RANBP17: variants seen among roughly 807,000 people sequenced by gnomAD.
The protein encoded by RANBP17 is ran-binding protein 17.
A neutral mutation model predicts 141.2 loss-of-function variants in RANBP17; 158 were observed. The ratio of observed to expected loss-of-function variants is 1.12; its 90% CI spans 0.98 to 1.28. The LOEUF (loss-of-function observed/expected upper bound fraction) is 1.28. Among genes scored for constraint, RANBP17 ranks in the 50% most tolerant of loss-of-function variants. RANBP17 has a pLI of 0.00. For synonymous variants in RANBP17, 430 were observed against 450.0 expected, an observed-to-expected ratio of 0.96 and a Z score of 0.56; for missense variants, 1,438 against 1,290.7, an observed-to-expected ratio of 1.11 and a Z score of -1.75.
chr5:171,210,393 C>A (rs1023358787), intron 20 of RANBP17, among the ~76,000 whole-genome samples: 2 of 152,170 alleles, frequency 1.3e-5, no homozygotes, highest in Non-Finnish European at 2.9e-5. Flanking sequence ...AAAGGAGCAT[C>A]CCCTTATATC....
intron 13 of RANBP17, among the ~76,000 whole-genome samples, chr5:170,968,015 A>G (rs974086234): frequency 6.6e-6 from 1 of 151,820 alleles, no homozygotes; most frequent in African/African-American, 2.4e-5. Context: ...ATCTATATGC[A>G]TGTATGTGTA....
At chr5:171,090,513 A>G (rs1172936296) in intron 14 of RANBP17, among the ~76,000 whole-genome samples, 1 of 152,140 alleles carries the variant, frequency 6.6e-6, no homozygotes, top group Non-Finnish European at 1.5e-5. Flanking sequence ...AGAATATCCC[A>G]TTTTCTGAGA....
intron 22 of RANBP17, among the ~76,000 whole-genome samples, chr5:171,240,487 C>A (rs985483818): frequency 6.6e-6 from 1 of 152,120 alleles, no homozygotes; most frequent in Non-Finnish European, 1.5e-5. Flanking sequence ...AGATCAAATT[C>A]ATATAAAAGG....
intron 13 of RANBP17, among the ~76,000 whole-genome samples, chr5:170,957,693 T>C (rs748532512): frequency 1.2e-4 from 19 of 152,194 alleles, no homozygotes; most frequent in Non-Finnish European, 1.9e-4. Context: ...CGCCCAGCTG[T>C]ATTGTTAAAG....
intron 12 of RANBP17, among the ~76,000 whole-genome samples, chr5:170,938,952 A>T (rs1774106423): frequency 1.3e-5 from 2 of 152,130 alleles, no homozygotes; most frequent in African/African-American, 4.8e-5. Flanking sequence ...CCCAACATAT[A>T]CCCATCAGAA....
At chr5:170,916,702 A>G (rs1031677981) in intron 9 of RANBP17, 118 bp downstream of exon 9, 4 of 552,498 alleles carry the variant, frequency 7.2e-6, no homozygotes, top group Non-Finnish European at 1.2e-5. Flanking sequence ...AGTATCATAT[A>G]TATCTTCCTT....
intron 12 of RANBP17, among the ~76,000 whole-genome samples, chr5:170,925,620 A>G (rs1470782862): frequency 1.3e-5 from 2 of 152,168 alleles, no homozygotes; most frequent in Non-Finnish European, 2.9e-5. Flanking sequence ...CCTTTGCAGC[A>G]TCTTTGTTCC....
chr5:171,139,917 C>T (rs888950424), intron 14 of RANBP17, among the ~76,000 whole-genome samples: 2 of 152,166 alleles, frequency 1.3e-5, no homozygotes, highest in Non-Finnish European at 2.9e-5. Context: ...TCAATTTTCC[C>T]CTTTAACTTA....
At chr5:171,242,935 A>C (rs1764983152) in intron 24 of RANBP17, 115 bp downstream of exon 24, 1 of 922,038 alleles carries the variant, frequency 1.1e-6, no homozygotes, top group African/African-American at 1.7e-5. Flanking sequence ...GTGAACCCAA[A>C]CTGAAAGATT....
chr5:171,043,993 TC>T (rs1321661244), intron 14 of RANBP17, among the ~76,000 whole-genome samples: 2 of 152,106 alleles, frequency 1.3e-5, no homozygotes, highest in African/African-American at 4.8e-5. Context: ...TATTTTAAAA[TC>T]CTTACATTTA....
intron 14 of RANBP17, among the ~76,000 whole-genome samples, chr5:171,060,410 A>G (rs1420228536): frequency 1.3e-5 from 2 of 152,000 alleles, no homozygotes; most frequent in Admixed American, 6.6e-5. Context: ...TTTTGCATCT[A>G]TTGAGATAAT....
chr5:171,184,624 C>T (rs919275865), intron 18 of RANBP17, among the ~76,000 whole-genome samples: 1 of 152,042 alleles, frequency 6.6e-6, no homozygotes, highest in Non-Finnish European at 1.5e-5. Context: ...GGGTTCTCAC[C>T]ACAAAAATGG....
chr5:171,081,454 G>A (rs980192094), intron 14 of RANBP17, among the ~76,000 whole-genome samples: 2 of 152,104 alleles, frequency 1.3e-5, no homozygotes, highest in African/African-American at 4.8e-5. Flanking sequence ...GCACTCTAAT[G>A]CCAAGTGTTG....
At chr5:171,007,924 G>A (rs1025906581) in intron 14 of RANBP17, among the ~76,000 whole-genome samples, 11 of 152,186 alleles carry the variant, frequency 7.2e-5, no homozygotes, top group Non-Finnish European at 1.3e-4. Context: ...TAGATATGGC[G>A]AAGCCGGTGG....
At chr5:171,230,017 A>G (rs1181759323) in intron 22 of RANBP17, among the ~76,000 whole-genome samples, 4 of 152,034 alleles carry the variant, frequency 2.6e-5, no homozygotes, top group Non-Finnish European at 5.9e-5. Context: ...GTGAGCCGAG[A>G]TCGTGCCATT....
chr5:171,295,947 CT>C lies in RANBP17; in HGVS notation c.3105del (p.Ala1036ProfsTer7). On this transcript the variant is annotated frameshift_variant, in exon 27 of 28. Coordinates refer to ENST00000523189, the MANE Select transcript of RANBP17 (RefSeq NM_022897.5). LOFTEE classifies it high-confidence loss of function. ...NSQPLPKQEV[L>X]AQCFRNLMEG... ...CCAGCCCCTCCCCAAGCAGGAGGTC[CT>C]TGCCCAGTGCTTCAGAAACCTAATG... 1 of 1,613,914 alleles carries C rather than the reference CT, an allele frequency of 6.2e-7. No individual in the cohort carries two copies. The highest frequency in any genetic ancestry group is 8.5e-7 in the Non-Finnish European group (1 of 1,179,864).
intron 14 of RANBP17, among the ~76,000 whole-genome samples, chr5:170,984,984 C>T (rs1778027878): frequency 6.6e-6 from 1 of 151,658 alleles, no homozygotes; most frequent in South Asian, 2.1e-4. Flanking sequence ...CACACAAAGA[C>T]ACACACATAT....
chr5:170,878,080 T>G lies in RANBP17; in HGVS notation c.19-17T>G. On this transcript the variant is annotated splice_polypyrimidine_tract_variant and intron_variant, in intron 1 of 27. Coordinates refer to ENST00000523189, the MANE Select transcript of RANBP17 (RefSeq NM_022897.5). ...TTTTTTCATTGAAGTAAAATGTTAATTTTTTTTTCTTTGAAGAGTTTGGCT... is the reference window on the plus strand; with the variant it reads ...TTTTTTCATTGAAGTAAAATGTTAAGTTTTTTTTCTTTGAAGAGTTTGGCT... 6.7e-7 allele frequency: 1 copy of G among 1,491,288 alleles called. No homozygotes were observed. Among genetic ancestry groups the G allele is most frequent in the South Asian group, 1.4e-5 (1 of 73,546 alleles). The allele number at this position is 1,491,288 out of a possible 1,614,324, so 92.4% of individuals were successfully genotyped here. A position where few individuals can be genotyped will look rare whatever the true frequency, so the allele number is the denominator to read the frequency against.
intron 14 of RANBP17, among the ~76,000 whole-genome samples, chr5:171,093,879 A>G (rs1240092308): frequency 6.6e-6 from 1 of 152,224 alleles, no homozygotes; most frequent in Non-Finnish European, 1.5e-5. Flanking sequence ...CTGGATTCCC[A>G]TTAATTGAGG....
Sources: allele counts gnomAD v4.1 joint callset (sites outside exome capture counted in the v4.1 genomes callset), GRCh38; gene constraint gnomAD v4.1.1; transcripts MANE v1.5; gene names NCBI Gene and HGNC (gene_info 2026-07-23, HGNC 2026-07-21).